COPS7B: variants seen among roughly 807,000 people sequenced by gnomAD.
COPS7B encodes the protein COP9 signalosome subunit 7B.
A neutral mutation model predicts 33.4 loss-of-function variants in COPS7B; 9 were observed. The observed-to-expected ratio is 0.27, with a 90% CI of 0.16 to 0.47. The LOEUF (loss-of-function observed/expected upper bound fraction) is 0.47. COPS7B is among the 20% of genes least tolerant of loss of function. The pLI, the probability that COPS7B is intolerant of heterozygous loss-of-function variation, is 0.99. For synonymous variants in COPS7B, 119 were observed against 126.3 expected (o/e 0.94, Z 0.39); for missense variants, 242 against 318.2 (o/e 0.76, Z 1.82).
chr2:231,782,757 C>T (rs1275422027), upstream of COPS7B, among the ~76,000 whole-genome samples: 1 of 152,166 alleles, frequency 6.6e-6, no homozygotes, highest in Middle Eastern at 3.2e-3. Flanking sequence ...TGAAAAGGTT[C>T]ATTGCAGCTG....
At chr2:231,796,406 C>A in intron 5 of COPS7B, 98 bp downstream of exon 5, 2 of 1,011,944 alleles carry the variant, frequency 2.0e-6, no homozygotes, top group Non-Finnish European at 3.0e-6. Context: ...TTGGGGTGGG[C>A]CTGTAGCTAC....
At chr2:231,792,160 C>G (rs1347645913) in intron 3 of COPS7B, 1 of 471,338 alleles carries the variant, frequency 2.1e-6, no homozygotes, top group Non-Finnish European at 4.3e-6. Context: ...AAAATAATAC[C>G]AGCATATTGA....
upstream of COPS7B, chr2:231,781,775 C>A: frequency 6.6e-7 from 1 of 1,509,622 alleles, no homozygotes; most frequent in Non-Finnish European, 9.0e-7. Context: ...GTTTCGGAAT[C>A]CCGAGACTTG....
intron 6 of COPS7B, chr2:231,801,037 C>T (rs928963273): frequency 1.9e-5 from 17 of 902,408 alleles, no homozygotes; most frequent in Admixed American, 1.0e-4. Flanking sequence ...GTGATTCTGT[C>T]GTATTCTGTT....
chr2:231,792,134 C>T, intron 3 of COPS7B: 1 of 506,194 alleles, frequency 2.0e-6, no homozygotes, highest in Non-Finnish European at 3.9e-6. Context: ...AATGTTTCAA[C>T]ATTTTAAATA....
At chr2:231,781,680 C>T, upstream of COPS7B, 1 of 656,304 alleles carries the variant, frequency 1.5e-6, no homozygotes, top group Non-Finnish European at 2.7e-6. Flanking sequence ...ATCCCAGCAT[C>T]CCCTGCACTC....
intron 5 of COPS7B, 38 bp from the exon 6 acceptor site, chr2:231,798,821 G>A: frequency 6.4e-7 from 1 of 1,556,812 alleles, no homozygotes; most frequent in South Asian, 1.1e-5. Context: ...GACTTCCCAG[G>A]CCATTCTGCA....
At chr2:231,804,933 T>C (rs955158488) in intron 6 of COPS7B, among the ~76,000 whole-genome samples, 5 of 152,208 alleles carry the variant, frequency 3.3e-5, no homozygotes, top group African/African-American at 1.2e-4. Flanking sequence ...TTCATTTTCT[T>C]CTGGATATTT....
intron 6 of COPS7B, among the ~76,000 whole-genome samples, chr2:231,801,924 G>A (rs1444630082): frequency 3.9e-5 from 6 of 151,974 alleles, no homozygotes; most frequent in East Asian, 1.9e-4. Flanking sequence ...ACAGGTGCCC[G>A]CCACCACGCC....
At chr2:231,787,376 T>TA (rs763066246) in intron 1 of COPS7B, among the ~76,000 whole-genome samples, 5 of 152,228 alleles carry the variant, frequency 3.3e-5, no homozygotes, top group East Asian at 3.8e-4. Flanking sequence ...TGCACTCTAC[T>TA]ATACCGTTTT....
At chr2:231,788,401 G>T (rs2049314846) in intron 1 of COPS7B, among the ~76,000 whole-genome samples, 154 bp from the exon 2 acceptor site, 2 of 152,174 alleles carry the variant, frequency 1.3e-5, no homozygotes, top group South Asian at 4.1e-4. Context: ...CTCCCAAAGT[G>T]CTGGGATTAC....
chr2:231,801,112 A>T, intron 6 of COPS7B: 1 of 1,549,484 alleles, frequency 6.5e-7, no homozygotes, highest in Non-Finnish European at 8.7e-7. Flanking sequence ...CTGATTGGTG[A>T]TCTTTTCTTT....
At chr2:231,787,027 CTT>C (rs1017694742) in intron 1 of COPS7B, among the ~76,000 whole-genome samples, 5 of 152,262 alleles carry the variant, frequency 3.3e-5, no homozygotes, top group Admixed American at 2.0e-4. Flanking sequence ...CATTGGGACT[CTT>C]TGCAGAGATC....
intron 3 of COPS7B, among the ~76,000 whole-genome samples, chr2:231,793,243 GATGCGC>G (rs1265976289): frequency 4.6e-5 from 7 of 152,202 alleles, no homozygotes; most frequent in African/African-American, 1.2e-4. Flanking sequence ...AAGGTAATAT[GATGCGC>G]ATGCCTTTTT....
intron 6 of COPS7B, chr2:231,801,062 TG>T (rs2049730955): frequency 1.7e-6 from 2 of 1,166,092 alleles, no homozygotes; most frequent in East Asian, 5.1e-5. Flanking sequence ...TTTATGCCTC[TG>T]TTACCCTTGG....
intron 3 of COPS7B, among the ~76,000 whole-genome samples, chr2:231,793,316 C>T (rs1010032471): frequency 2.0e-5 from 3 of 152,194 alleles, no homozygotes; most frequent in Admixed American, 2.0e-4. Flanking sequence ...TGTCTCCGTA[C>T]AGGTTAGAAA....
At chr2:231,805,448 A>ATATATATATATATATATATATATT in intron 6 of COPS7B, among the ~76,000 whole-genome samples, 1 of 33,418 alleles carries the variant, frequency 3.0e-5, no homozygotes. Context: ...TTTAAATTTT[A>ATATATATATATATATATATATATT]TATATATATA....
At chr2:231,800,466 A>G (rs1318572318) in intron 6 of COPS7B, among the ~76,000 whole-genome samples, 1 of 152,232 alleles carries the variant, frequency 6.6e-6, no homozygotes, top group Non-Finnish European at 1.5e-5. Context: ...TTGGGAGGCT[A>G]ACCACACTAC....
intron 6 of COPS7B, among the ~76,000 whole-genome samples, chr2:231,802,322 A>C (rs2049773685): frequency 6.6e-6 from 1 of 152,174 alleles, no homozygotes; most frequent in Non-Finnish European, 1.5e-5. Flanking sequence ...TCCATCACCC[A>C]GTTCTCTTTT....
Sources: gnomAD v4.1 joint callset for allele counts (sites outside exome capture counted in the v4.1 genomes callset) on GRCh38, gnomAD v4.1.1 for gene constraint, MANE v1.5 for transcripts, NCBI Gene and HGNC (gene_info 2026-07-23, HGNC 2026-07-21) for gene names.